Variants in SLC14A2 observed in about 807,000 individuals in gnomAD.
SLC14A2 encodes urea transporter 2.
Under a neutral mutation model 104.6 loss-of-function variants are expected in SLC14A2, and 91 were observed. The observed-to-expected ratio is 0.87, with a 90% CI of 0.73 to 1.04. The LOEUF is 1.04. Ranked by LOEUF, SLC14A2 falls within the 50% of genes least tolerant of loss-of-function variation. The probability of loss-of-function intolerance (pLI) is 0.00; values close to 1 mark genes in which losing one functional copy is unlikely to be tolerated. For synonymous variants in SLC14A2, 476 were observed against 466.4 expected, an observed-to-expected ratio of 1.02 and a Z score of -0.27; for missense variants, 1,189 against 1,156.0, an observed-to-expected ratio of 1.03 and a Z score of -0.41.
At chr18:45,641,060 G>T in intron 7 of SLC14A2, 149 bp from the exon 8 acceptor site, 1 of 689,946 alleles carries the variant, frequency 1.4e-6, no homozygotes. Context: ...AAGACCGGAT[G>T]CCATTTGTAG....
intron 2 of SLC14A2, among the ~76,000 whole-genome samples, chr18:45,508,385 A>C (rs1295504555): frequency 6.6e-6 from 1 of 152,226 alleles, no homozygotes; most frequent in Non-Finnish European, 1.5e-5. Context: ...TTCTTGTGAT[A>C]GTGAATAAGT....
intron 2 of SLC14A2, among the ~76,000 whole-genome samples, chr18:45,526,148 C>T (rs953551617): frequency 6.6e-6 from 1 of 152,204 alleles, no homozygotes; most frequent in Non-Finnish European, 1.5e-5. Flanking sequence ...CTGGGTTATG[C>T]AGGGAAAGTC....
At chr18:45,645,632 A>ATATATATATATATATATACGT (rs1568312070) in intron 10 of SLC14A2, among the ~76,000 whole-genome samples, 1 of 7,096 alleles carries the variant, frequency 1.4e-4, no homozygotes, top group African/African-American at 4.2e-4. Context: ...TACATATACA[A>ATATATATATATATATATACGT]AGATATATAT....
At chr18:45,510,346 G>A (rs2043348548) in intron 2 of SLC14A2, among the ~76,000 whole-genome samples, 1 of 152,122 alleles carries the variant, frequency 6.6e-6, no homozygotes, top group South Asian at 2.1e-4. Flanking sequence ...TGATTTATCT[G>A]TGCCCCCAAG....
At chr18:45,469,511 C>G (rs558903532) in intron 1 of SLC14A2, among the ~76,000 whole-genome samples, 36 of 152,192 alleles carry the variant, frequency 2.4e-4, no homozygotes, top group African/African-American at 8.2e-4. Flanking sequence ...AACTGGCAGG[C>G]CTTTGTACCT....
At chr18:45,392,908 A>T (rs894221360) in intron 1 of SLC14A2, among the ~76,000 whole-genome samples, 3 of 152,102 alleles carry the variant, frequency 2.0e-5, no homozygotes, top group Admixed American at 1.3e-4. Context: ...ATTTGACTGG[A>T]CTCCCTGTCC....
intron 2 of SLC14A2, among the ~76,000 whole-genome samples, chr18:45,515,797 C>G (rs911076049): frequency 2.0e-5 from 3 of 152,218 alleles, no homozygotes; most frequent in Non-Finnish European, 2.9e-5. Flanking sequence ...CTTCAGAAAA[C>G]CATGCATCAC....
intron 2 of SLC14A2, among the ~76,000 whole-genome samples, chr18:45,520,773 CT>C (rs1240170655): frequency 6.6e-6 from 1 of 152,172 alleles, no homozygotes; most frequent in Non-Finnish European, 1.5e-5. Flanking sequence ...ACATCTATTT[CT>C]TCCTCTCTAG....
At chr18:45,467,313 C>A (rs1182828836) in intron 1 of SLC14A2, among the ~76,000 whole-genome samples, 1 of 152,206 alleles carries the variant, frequency 6.6e-6, no homozygotes, top group Non-Finnish European at 1.5e-5. Context: ...TCTAGTATCA[C>A]CCATCCCTCA....
intron 1 of SLC14A2, among the ~76,000 whole-genome samples, chr18:45,458,674 T>A (rs1207670645): frequency 1.3e-5 from 2 of 152,190 alleles, no homozygotes; most frequent in Non-Finnish European, 2.9e-5. Flanking sequence ...TCCAGCCTCC[T>A]CTTTTCACAG....
intron 1 of SLC14A2, among the ~76,000 whole-genome samples, chr18:45,443,481 A>G (rs925926440): frequency 1.3e-5 from 2 of 152,172 alleles, no homozygotes; most frequent in Non-Finnish European, 2.9e-5. Context: ...GTGTGGCAGA[A>G]CTGTCTCTGG....
chr18:45,660,464 A>G (rs1419604290), intron 10 of SLC14A2, among the ~76,000 whole-genome samples: 2 of 152,176 alleles, frequency 1.3e-5, no homozygotes, highest in African/African-American at 4.8e-5. Flanking sequence ...AACACTGCAA[A>G]TTTATTTTCC....
At position 45,667,248 on chromosome 18, in the gene SLC14A2, C is replaced by T. The variant is rs116895467; in HGVS notation, c.1717+154C>T. Among the ~76,000 whole-genome samples, 10 of 152,326 alleles carry T rather than the reference C, an allele frequency of 6.6e-5. No homozygotes were observed. In the East Asian group the frequency reaches 1.9e-3, roughly 29 times the overall value. On this transcript the variant is annotated intron_variant, in intron 13 of 19. Coordinates refer to ENST00000255226, the MANE Select transcript of SLC14A2 (RefSeq NM_007163.4). ...TCTTTCCTGGAAGCTGGGAGTTTTG[C>T]TGTTAAAACAGACATACAGCCTCTT...
intron 1 of SLC14A2, among the ~76,000 whole-genome samples, chr18:45,256,741 A>C (rs2084482766): frequency 2.0e-5 from 3 of 152,206 alleles, no homozygotes; most frequent in Admixed American, 2.0e-4. Context: ...ATCAGAACCT[A>C]ATGGTTTACA....
chr18:45,649,432 T>C (rs1206223455), intron 10 of SLC14A2, among the ~76,000 whole-genome samples: 1 of 152,240 alleles, frequency 6.6e-6, no homozygotes, highest in Non-Finnish European at 1.5e-5. Flanking sequence ...CCTTGCAATA[T>C]GCCTCTTCTT....
intron 10 of SLC14A2, among the ~76,000 whole-genome samples, chr18:45,651,532 T>C (rs938826559): frequency 2.6e-5 from 4 of 152,236 alleles, no homozygotes; most frequent in African/African-American, 9.6e-5. Flanking sequence ...AGAAAGGCAC[T>C]TTTTAACAAT....
chr18:45,274,735 T>C (rs2084684776), intron 1 of SLC14A2, among the ~76,000 whole-genome samples: 2 of 152,252 alleles, frequency 1.3e-5, no homozygotes, highest in South Asian at 4.1e-4. Context: ...GTTTGGGCCT[T>C]GCCCAAGGGA....
intron 1 of SLC14A2, among the ~76,000 whole-genome samples, chr18:45,372,489 G>GT (rs1463262248): frequency 6.6e-6 from 1 of 152,168 alleles, no homozygotes; most frequent in African/African-American, 2.4e-5. Context: ...CATTCAGGGA[G>GT]TTACTGCCAG....
At chr18:45,205,267 A>G in the SLC14A2 span, among the ~76,000 whole-genome samples, 1 of 152,230 alleles carries the variant, frequency 6.6e-6, no homozygotes, top group Non-Finnish European at 1.5e-5. Flanking sequence ...TTCTCAAATC[A>G]GCAGGCCAAA....
Sources: allele counts gnomAD v4.1 joint callset (sites outside exome capture counted in the v4.1 genomes callset), GRCh38; gene constraint gnomAD v4.1.1; transcripts MANE v1.5; gene names NCBI Gene and HGNC (gene_info 2026-07-23, HGNC 2026-07-21).